Variants in CNTNAP2 observed in about 807,000 individuals in gnomAD.
The protein encoded by CNTNAP2 is contactin-associated protein-like 2.
A neutral mutation model predicts 155.2 loss-of-function variants in CNTNAP2; 98 were observed. The observed-to-expected ratio is 0.63, with a 90% CI of 0.54 to 0.75. The LOEUF is 0.75. Among genes scored for constraint, CNTNAP2 ranks in the 30% least tolerant of loss-of-function variants. The pLI, the probability that CNTNAP2 is intolerant of heterozygous loss-of-function variation, is 0.00. For synonymous variants in CNTNAP2, 651 were observed against 631.2 expected (o/e 1.03, Z -0.47); for missense variants, 1,727 against 1,688.1 (o/e 1.02, Z -0.40).
intron 9 of CNTNAP2, among the ~76,000 whole-genome samples, chr7:147,384,389 A>C (rs1000297812): frequency 1.3e-5 from 2 of 152,194 alleles, no homozygotes; most frequent in Middle Eastern, 3.2e-3. Context: ...AATGTATCCT[A>C]CGATTTTTAG....
At chr7:147,848,840 C>G (rs1026680072) in intron 13 of CNTNAP2, among the ~76,000 whole-genome samples, 3 of 151,922 alleles carry the variant, frequency 2.0e-5, no homozygotes, top group African/African-American at 7.3e-5. Context: ...GATTCATACA[C>G]AAAAGACCAA....
intron 8 of CNTNAP2, among the ~76,000 whole-genome samples, chr7:147,145,404 C>A (rs1349899350): frequency 6.6e-6 from 1 of 152,086 alleles, no homozygotes; most frequent in Non-Finnish European, 1.5e-5. Context: ...GAATATCCTG[C>A]AAAGCACAGG....
At chr7:146,574,415 C>A (rs769076055) in intron 1 of CNTNAP2, among the ~76,000 whole-genome samples, 15 of 152,088 alleles carry the variant, frequency 9.9e-5, no homozygotes, top group Non-Finnish European at 2.1e-4. Flanking sequence ...ACATACAAAA[C>A]AATTAGGCCA....
At chr7:147,083,839 T>C (rs556273197) in intron 4 of CNTNAP2, among the ~76,000 whole-genome samples, 48 of 141,514 alleles carry the variant, frequency 3.4e-4, no homozygotes, top group African/African-American at 1.2e-3. Flanking sequence ...CACATGTATG[T>C]ACATATTATA....
At chr7:146,593,605 C>T (rs935436653) in intron 1 of CNTNAP2, among the ~76,000 whole-genome samples, 3 of 152,072 alleles carry the variant, frequency 2.0e-5, no homozygotes, top group African/African-American at 7.2e-5. Flanking sequence ...GTGGCAAGTA[C>T]TCATTAAATG....
At chr7:146,180,199 C>A (rs1798529980) in intron 1 of CNTNAP2, among the ~76,000 whole-genome samples, 1 of 152,160 alleles carries the variant, frequency 6.6e-6, no homozygotes, top group Non-Finnish European at 1.5e-5. Flanking sequence ...TTTGACTAGA[C>A]ACTTAGGATT....
intron 1 of CNTNAP2, among the ~76,000 whole-genome samples, chr7:146,254,006 G>A (rs998486784): frequency 2.0e-5 from 3 of 152,066 alleles, no homozygotes; most frequent in Non-Finnish European, 4.4e-5. Context: ...AGGCTGCAGT[G>A]AGCTGTGATC....
chr7:148,301,793 T>C (rs973854695), intron 21 of CNTNAP2, among the ~76,000 whole-genome samples: 1 of 152,162 alleles, frequency 6.6e-6, no homozygotes, highest in African/African-American at 2.4e-5. Context: ...AGCAAGAAGA[T>C]GAGCCTGTTG....
chr7:147,564,703 G>A (rs1386488000), intron 12 of CNTNAP2, among the ~76,000 whole-genome samples: 1 of 152,198 alleles, frequency 6.6e-6, no homozygotes, highest in Non-Finnish European at 1.5e-5. Flanking sequence ...AGCTTCTCCT[G>A]TGCATTGAAC....
intron 2 of CNTNAP2, among the ~76,000 whole-genome samples, chr7:146,812,743 T>C (rs2129194177): frequency 6.6e-6 from 1 of 152,148 alleles, no homozygotes; most frequent in Middle Eastern, 3.4e-3. Flanking sequence ...GGAAAATATA[T>C]CTAGAACATG....
chr7:147,357,805 C>G (rs2116890341), intron 9 of CNTNAP2, among the ~76,000 whole-genome samples: 1 of 152,060 alleles, frequency 6.6e-6, no homozygotes, highest in East Asian at 1.9e-4. Context: ...GGATTTTTTT[C>G]TAAAGTCAGA....
intron 13 of CNTNAP2, among the ~76,000 whole-genome samples, chr7:147,686,420 A>G (rs1174865233): frequency 6.6e-6 from 1 of 152,134 alleles, no homozygotes; most frequent in Admixed American, 6.6e-5. Context: ...AGTACTACTC[A>G]ATCTATTGAG....
In CNTNAP2 at chr7:148,289,600, C is replaced by T. The variant is rs931559950; in HGVS notation, c.3475+22474C>T. On this transcript the variant is annotated intron_variant, in intron 21 of 23. Coordinates refer to ENST00000361727, the MANE Select transcript of CNTNAP2 (RefSeq NM_014141.6). ...TCACACTCACACACACACACACACA[C>T]ACCCCATGTTGGGGAGGCGGGTAAA... 2.1e-3 allele frequency among the ~76,000 whole-genome samples: 315 copies of T among 151,800 alleles called. 2 individuals are homozygous for T. Among genetic ancestry groups the T allele is most frequent in the African/African-American group, 7.0e-3 (291 of 41,366 alleles).
At chr7:146,319,101 T>C (rs911630255) in intron 1 of CNTNAP2, among the ~76,000 whole-genome samples, 7 of 152,130 alleles carry the variant, frequency 4.6e-5, no homozygotes, top group Non-Finnish European at 7.3e-5. Context: ...TGGTCTCGAA[T>C]GCCTCAATCT....
intron 8 of CNTNAP2, among the ~76,000 whole-genome samples, chr7:147,177,427 C>G (rs1356623699): frequency 6.6e-6 from 1 of 152,098 alleles, no homozygotes; most frequent in East Asian, 1.9e-4. Flanking sequence ...GAGGTGCCTT[C>G]CGCCGTGATT....
chr7:148,200,715 T>C (rs1332696178), intron 18 of CNTNAP2, among the ~76,000 whole-genome samples: 4 of 152,224 alleles, frequency 2.6e-5, no homozygotes, highest in African/African-American at 7.2e-5. Flanking sequence ...TAAATTGCTT[T>C]TTTAGATCTT....
intron 1 of CNTNAP2, among the ~76,000 whole-genome samples, chr7:146,707,676 G>T (rs947971945): frequency 6.6e-6 from 1 of 152,104 alleles, no homozygotes; most frequent in Non-Finnish European, 1.5e-5. Context: ...AAATGGTCAA[G>T]CTTTCCTCTG....
chr7:146,909,335 G>T (rs1245521014), intron 3 of CNTNAP2, among the ~76,000 whole-genome samples: 1 of 129,390 alleles, frequency 7.7e-6, no homozygotes, highest in East Asian at 2.2e-4. Flanking sequence ...CCAAAGCCGG[G>T]CAGAGACACA....
chr7:147,684,004 G>T (rs947103306), intron 13 of CNTNAP2, among the ~76,000 whole-genome samples: 3 of 151,576 alleles, frequency 2.0e-5, no homozygotes, highest in African/African-American at 7.2e-5. Context: ...AGATGATGCC[G>T]GTTTGAAATT....
Sources: gnomAD v4.1 joint callset for allele counts (sites outside exome capture counted in the v4.1 genomes callset) on GRCh38, gnomAD v4.1.1 for gene constraint, MANE v1.5 for transcripts, NCBI Gene and HGNC (gene_info 2026-07-23, HGNC 2026-07-21) for gene names.